The following CHD7 variants were observed in gnomAD, a reference collection of about 807,000 sequenced individuals.
CHD7 encodes ATP-dependent chromatin remodeler CHD7.
Under a neutral mutation model 307.3 loss-of-function variants are expected in CHD7, and 24 were observed. That is an observed-to-expected ratio of 0.08 (90% CI 0.06 to 0.11). The LOEUF (loss-of-function observed/expected upper bound fraction) is 0.11, where lower values mean the gene tolerates loss of function less well. Among genes scored for constraint, CHD7 ranks in the 10% least tolerant of loss-of-function variants. The pLI, the probability that CHD7 is intolerant of heterozygous loss-of-function variation, is 1.00. For synonymous variants in CHD7, 1,363 were observed against 1,349.9 expected (o/e 1.01, Z -0.21); for missense variants, 3,106 against 3,727.1 (o/e 0.83, Z 4.34).
At chr8:60,818,378 G>C (rs1360391076) in intron 8 of CHD7, among the ~76,000 whole-genome samples, 4 of 152,216 alleles carry the variant, frequency 2.6e-5, no homozygotes, top group Non-Finnish European at 5.9e-5. Context: ...AAAAGTTAAG[G>C]ATTTTAATTC....
chr8:60,816,581 A>C (rs1803759454), intron 8 of CHD7, 80 bp downstream of exon 8: 1 of 806,408 alleles, frequency 1.2e-6, no homozygotes, highest in Non-Finnish European at 2.0e-6. Context: ...TCCATGAATT[A>C]AGAAAAACTA....
rs1200895341 is a variant in CHD7, at chr8:60,865,510, T to C, written c.8571T>C (p.Ser2857=). Residue 2857 remains serine (S), a synonymous_variant, in exon 38 of 38, where the codon TCT becomes TCC. Transcript: ENST00000423902. The surrounding 1 kb of genome is among the most constrained non-coding windows in gnomAD (Gnocchi z 4.3). ...GNENEDENKD[S]EKSTDAVSAA... is the part of the protein sequence containing the mutation. ...AGAATGAAGACGAGAACAAAGACTCTGAGAAAAGCACAGATGCTGTTTCGG... is the reference window on the plus strand; with the variant it reads ...AGAATGAAGACGAGAACAAAGACTCCGAGAAAAGCACAGATGCTGTTTCGG... The C allele has an allele frequency of 1.9e-6, 3 of 1,614,040 alleles. No homozygotes were observed. The highest frequency in any genetic ancestry group is 1.7e-6 in the Non-Finnish European group (2 of 1,179,892).
intron 4 of CHD7, among the ~76,000 whole-genome samples, chr8:60,795,460 T>A (rs957712971): frequency 1.3e-5 from 2 of 152,224 alleles, no homozygotes; most frequent in African/African-American, 4.8e-5. Context: ...TTCATTCACA[T>A]TTTTAAATTT....
intron 1 of CHD7, among the ~76,000 whole-genome samples, chr8:60,699,266 A>T (rs867942229): frequency 2.0e-5 from 3 of 152,186 alleles, no homozygotes; most frequent in South Asian, 2.1e-4. Flanking sequence ...TGGTTTTAAC[A>T]TGGCAGTGTG....
chr8:60,761,655 C>T (rs1411024075), intron 2 of CHD7, among the ~76,000 whole-genome samples: 1 of 151,500 alleles, frequency 6.6e-6, no homozygotes, highest in South Asian at 2.1e-4. Flanking sequence ...TCCAGGCTTC[C>T]CTATATCTCT....
In CHD7 at chr8:60,775,610, C is replaced by G. The variant is rs190621263; in HGVS notation, c.1666-5390C>G. On this transcript the variant is annotated intron_variant, in intron 2 of 37. Transcript: ENST00000423902. ...ATAATCAAAAGTATATTTTGAAGGA[C>G]ATTTTAATTCAAGATCTTCATGGAA... Among the ~76,000 whole-genome samples, 372 of 152,292 alleles carry G rather than the reference C, an allele frequency of 2.4e-3. 1 individual carries two copies. Among genetic ancestry groups the G allele is most frequent in the African/African-American group, 8.2e-3 (339 of 41,560 alleles).
intron 2 of CHD7, among the ~76,000 whole-genome samples, chr8:60,747,184 C>T (rs1323628584): frequency 3.3e-5 from 5 of 152,180 alleles, no homozygotes; most frequent in South Asian, 2.1e-4. Context: ...TCAAGCAATT[C>T]TCCTGCTCAT....
At position 60,741,809 on chromosome 8, in the gene CHD7, A is replaced by G. The variant is rs1319506534; in HGVS notation, c.377A>G (p.Tyr126Cys). ...GGSGGGQMGV[Y>C]PGMQNERHGQ... ...AGTGGTGGCGGTCAGATGGGTGTCT[A>G]CCCTGGCATGCAGAATGAGAGGCAT... Residue 126 changes from tyrosine (Y) to cysteine (C), a missense_variant, in exon 2 of 38, where the codon TAC becomes TGC. By Grantham distance (194) the Tyr-to-Cys change is radical. This residue lies in a region of CHD7 where 998 missense variants were observed against 1,004.5 expected (regional missense o/e 0.99). Transcript: ENST00000423902. The G allele has an allele frequency of 6.2e-7, 1 of 1,613,838 alleles. No individual in the cohort carries two copies. The highest frequency in any genetic ancestry group is 8.5e-7 in the Non-Finnish European group (1 of 1,179,852).
chr8:60,822,834 G>T (rs1213507958), intron 12 of CHD7, 88 bp downstream of exon 12: 2 of 1,317,728 alleles, frequency 1.5e-6, no homozygotes. Flanking sequence ...ACTTGGGAAG[G>T]TCTAAATTTT....
At position 60,812,091 on chromosome 8, in the gene CHD7, C is replaced by A. The variant is rs141273816; in HGVS notation, c.2498+3819C>A. Among the ~76,000 whole-genome samples the A allele has an allele frequency of 3.9e-5, 6 of 152,204 alleles. No individual in the cohort carries two copies. The East Asian group carries it at 1.2e-3, about 29-fold the overall frequency. The stretch of plus-strand genomic sequence containing the variant: ...TGTTGCAACTATCTTATCTCAGTTT[C>A]GATTGTCTTTTGACTTCATGGTGTT... On this transcript the variant is annotated intron_variant, in intron 7 of 37. Transcript: ENST00000423902.
intron 37 of CHD7, 151 bp downstream of exon 37, chr8:60,862,803 C>T (rs1215335019): frequency 1.8e-6 from 1 of 563,154 alleles, no homozygotes; most frequent in Admixed American, 3.3e-5. Context: ...TCATTTCATA[C>T]ATCATTAATA....
intron 7 of CHD7, among the ~76,000 whole-genome samples, chr8:60,811,595 G>A (rs1812810446): frequency 6.6e-6 from 1 of 152,076 alleles, no homozygotes; most frequent in Non-Finnish European, 1.5e-5. Context: ...TGTGTAAGTG[G>A]CTTCTGATGT....
chr8:60,703,165 T>C (rs888763199), intron 1 of CHD7, among the ~76,000 whole-genome samples: 1 of 152,222 alleles, frequency 6.6e-6, no homozygotes, highest in African/African-American at 2.4e-5. Context: ...CTTTTTCTTA[T>C]TGTGGTAAAA....
chr8:60,782,692 C>T (rs923036449), intron 3 of CHD7, among the ~76,000 whole-genome samples: 5 of 152,206 alleles, frequency 3.3e-5, no homozygotes, highest in African/African-American at 1.2e-4. Context: ...CACTTTTCTC[C>T]CCCTCTTTGT....
At chr8:60,846,660 C>G (rs904994172) in intron 23 of CHD7, among the ~76,000 whole-genome samples, 1 of 152,240 alleles carries the variant, frequency 6.6e-6, no homozygotes, top group Non-Finnish European at 1.5e-5. Flanking sequence ...ATGCATTTCT[C>G]TTTGTAAAAG....
At chr8:60,688,046 T>G (rs1806000567) in intron 1 of CHD7, among the ~76,000 whole-genome samples, 1 of 152,172 alleles carries the variant, frequency 6.6e-6, no homozygotes, top group African/African-American at 2.4e-5. Context: ...CTTCCTCTGT[T>G]GGTGCCTGCT....
intron 11 of CHD7, 35 bp downstream of exon 11, chr8:60,822,180 T>C: frequency 6.4e-7 from 1 of 1,567,752 alleles, no homozygotes; most frequent in South Asian, 1.2e-5. Context: ...CTTTTAAATA[T>C]ATCTGTAGTT....
chr8:60,733,574 G>C (rs1379931179), intron 1 of CHD7, among the ~76,000 whole-genome samples: 1 of 152,160 alleles, frequency 6.6e-6, no homozygotes, highest in African/African-American at 2.4e-5. Flanking sequence ...TTGAATTGCA[G>C]GGTGTAAAGG....
intron 3 of CHD7, among the ~76,000 whole-genome samples, chr8:60,786,151 T>C (rs547249223): frequency 2.0e-5 from 3 of 152,252 alleles, no homozygotes; most frequent in African/African-American, 4.8e-5. Context: ...ATAGCATCTT[T>C]TAAATCCCGA....
Sources: allele counts gnomAD v4.1 joint callset (sites outside exome capture counted in the v4.1 genomes callset), GRCh38; gene constraint gnomAD v4.1.1; regional missense constraint gnomAD v4.1.1; non-coding constraint Gnocchi (gnomAD v3.1); transcripts MANE v1.5; gene names NCBI Gene and HGNC (gene_info 2026-07-23, HGNC 2026-07-21).